The following USP3 variants were observed in gnomAD, a reference collection of about 807,000 sequenced individuals.
USP3 encodes ubiquitin carboxyl-terminal hydrolase 3.
In USP3, 20 loss-of-function variants were observed where a neutral mutation model predicts 72.3. The ratio of observed to expected loss-of-function variants is 0.28; its 90% CI spans 0.19 to 0.40. USP3 has a LOEUF of 0.40. Among genes scored for constraint, USP3 ranks in the 10% least tolerant of loss-of-function variants. The pLI, the probability that USP3 is intolerant of heterozygous loss-of-function variation, is 1.00. For synonymous variants in USP3, 222 were observed against 225.3 expected (o/e 0.99, Z 0.13); for missense variants, 479 against 633.9 (o/e 0.76, Z 2.62).
chr15:63,510,404 A>G (rs2065765355), intron 1 of USP3, among the ~76,000 whole-genome samples: 1 of 152,060 alleles, frequency 6.6e-6, no homozygotes, highest in Non-Finnish European at 1.5e-5. Context: ...TTCTTTGAAA[A>G]CAAAATGTTA....
At chr15:63,518,524 G>A (rs1038728504) in intron 1 of USP3, among the ~76,000 whole-genome samples, 6 of 152,122 alleles carry the variant, frequency 3.9e-5, no homozygotes, top group African/African-American at 7.2e-5. Flanking sequence ...TGGAAGTAAA[G>A]GACACAGATT....
intron 2 of USP3, among the ~76,000 whole-genome samples, chr15:63,536,504 A>C (rs1281331445): frequency 1.3e-5 from 2 of 152,224 alleles, no homozygotes; most frequent in East Asian, 3.9e-4. Context: ...GTTTATAAAT[A>C]ATATCTATGG....
intron 9 of USP3, among the ~76,000 whole-genome samples, chr15:63,571,432 A>G (rs2066777133): frequency 6.6e-6 from 1 of 152,222 alleles, no homozygotes; most frequent in Admixed American, 6.5e-5. Context: ...AGGGCAACCA[A>G]TGTGAATTGC....
chr15:63,532,510 G>A (rs2066091454), intron 1 of USP3, 137 bp from the exon 2 acceptor site: 1 of 898,722 alleles, frequency 1.1e-6, no homozygotes. Context: ...TTGTGTAAAT[G>A]CATTCACAAA....
chr15:63,547,722 TAGAG>T (rs138124125), intron 3 of USP3, among the ~76,000 whole-genome samples: 46 of 68,080 alleles, frequency 6.8e-4, no homozygotes, highest in South Asian at 1.4e-3. Flanking sequence ...CCTGTCTCAA[TAGAG>T]AGAGAGAGAG....
At chr15:63,582,566 T>A (rs898206071) in intron 11 of USP3, among the ~76,000 whole-genome samples, 3 of 152,310 alleles carry the variant, frequency 2.0e-5, no homozygotes, top group Non-Finnish European at 2.9e-5. Flanking sequence ...TCATGTCTAT[T>A]CCTTTTTGGT....
At chr15:63,509,133 G>T (rs1026713755) in intron 1 of USP3, among the ~76,000 whole-genome samples, 2 of 152,082 alleles carry the variant, frequency 1.3e-5, no homozygotes, top group Admixed American at 6.5e-5. Context: ...ATTTTGTATC[G>T]TATTTCTCCA....
At chr15:63,548,607 C>A (rs934651899) in intron 3 of USP3, among the ~76,000 whole-genome samples, 1 of 152,058 alleles carries the variant, frequency 6.6e-6, no homozygotes, top group Non-Finnish European at 1.5e-5. Flanking sequence ...GGATTATAGG[C>A]GTGAGCCACC....
At chr15:63,538,408 A>G (rs2066191613) in intron 3 of USP3, among the ~76,000 whole-genome samples, 1 of 152,208 alleles carries the variant, frequency 6.6e-6, no homozygotes, top group African/African-American at 2.4e-5. Flanking sequence ...GATTTAGAGA[A>G]GTCCAGATAA....
chr15:63,533,156 C>A (rs2066103072), intron 2 of USP3, among the ~76,000 whole-genome samples: 1 of 152,118 alleles, frequency 6.6e-6, no homozygotes, highest in Non-Finnish European at 1.5e-5. Context: ...CCATCCCCAC[C>A]TCTACTGACT....
At chr15:63,558,775 T>C (rs910732716) in intron 6 of USP3, among the ~76,000 whole-genome samples, 1 of 152,130 alleles carries the variant, frequency 6.6e-6, no homozygotes, top group African/African-American at 2.4e-5. Context: ...CTTGGGAGGC[T>C]GAGGCAGGAG....
intron 4 of USP3, among the ~76,000 whole-genome samples, chr15:63,554,095 A>G (rs897277445): frequency 1.3e-5 from 2 of 152,198 alleles, no homozygotes; most frequent in Non-Finnish European, 2.9e-5. Context: ...TTGAGGGTAC[A>G]AGAAAAGGGC....
At chr15:63,511,039 T>A (rs1370837512) in intron 1 of USP3, among the ~76,000 whole-genome samples, 1 of 152,008 alleles carries the variant, frequency 6.6e-6, no homozygotes, top group African/African-American at 2.4e-5. Context: ...TCTATTAGTT[T>A]TACTGAGTAG....
chr15:63,528,636 C>G lies in USP3; in HGVS notation c.92-4011C>G, dbSNP rs185584056. ...ATATTATGTTTCATTTAGGGCTTTA[C>G]AGACGACCCTGGAAACCTTTAATAC... is the stretch of plus-strand genomic sequence containing the variant. On this transcript the variant is annotated intron_variant, in intron 1 of 14. Coordinates refer to ENST00000380324, the MANE Select transcript of USP3 (RefSeq NM_006537.4). This position sits in a 1 kb window ranked among gnomAD's most constrained non-coding sequence, Gnocchi z 4.3. Among the ~76,000 whole-genome samples, 141 of 152,234 alleles carry G rather than the reference C, an allele frequency of 9.3e-4. No homozygotes were observed. Among genetic ancestry groups the G allele is most frequent in the South Asian group, 1.7e-3 (8 of 4,832 alleles).
intron 7 of USP3, among the ~76,000 whole-genome samples, 168 bp downstream of exon 7, chr15:63,560,138 G>A (rs958168030): frequency 2.6e-5 from 4 of 152,110 alleles, no homozygotes; most frequent in South Asian, 2.1e-4. Flanking sequence ...TTGGAATTCC[G>A]GCCGGGTGTG....
chr15:63,507,861 A>T (rs74024858), intron 1 of USP3, among the ~76,000 whole-genome samples: 4,057 of 152,004 alleles, frequency 0.027, 179 homozygotes, highest in African/African-American at 0.093. Context: ...GAAAAACTTA[A>T]AATATGTATT....
intron 11 of USP3, among the ~76,000 whole-genome samples, chr15:63,576,109 C>G (rs983873495): frequency 6.6e-6 from 1 of 151,778 alleles, no homozygotes; most frequent in African/African-American, 2.4e-5. Flanking sequence ...GGCTCAGCCT[C>G]CTGAGTAGCT....
At position 63,523,430 on chromosome 15, in the gene USP3, A is replaced by T. The variant is rs4984248; in HGVS notation, c.92-9217A>T. The stretch of plus-strand genomic sequence containing the variant: ...GGTTCTGAAGCCCGTGCTTGATACA[A>T]GTCACATGACCTGTATCATATTTAT... On this transcript the variant is annotated intron_variant, in intron 1 of 14. Transcript: ENST00000380324. Among the ~76,000 whole-genome samples, 538 of 152,364 alleles carry T rather than the reference A, an allele frequency of 3.5e-3. 16 individuals carry two copies. In the East Asian group the frequency reaches 0.052, roughly 15 times the overall value.
At chr15:63,549,070 A>AT (rs898098347) in intron 3 of USP3, among the ~76,000 whole-genome samples, 34 of 152,032 alleles carry the variant, frequency 2.2e-4, no homozygotes, top group African/African-American at 7.5e-4. Flanking sequence ...TTGATTGTAC[A>AT]TTTTTTTAAC....
Sources: gnomAD v4.1 joint callset for allele counts (sites outside exome capture counted in the v4.1 genomes callset) on GRCh38, gnomAD v4.1.1 for gene constraint, Gnocchi (gnomAD v3.1) non-coding constraint, MANE v1.5 for transcripts, NCBI Gene and HGNC (gene_info 2026-07-23, HGNC 2026-07-21) for gene names.